Variants in SPAG17 observed in about 807,000 individuals in gnomAD.
SPAG17 encodes sperm-associated antigen 17.
Under a neutral mutation model 273.6 loss-of-function variants are expected in SPAG17, and 169 were observed. The observed-to-expected ratio is 0.62, with a 90% CI of 0.55 to 0.70. The LOEUF is 0.70. SPAG17 is among the 30% of genes least tolerant of loss of function. SPAG17 has a pLI of 0.00. For missense variants in SPAG17, 2,557 were observed against 2,627.8 expected (o/e 0.97, Z 0.59); for synonymous variants, 825 against 873.2 (o/e 0.94, Z 0.97).
At chr1:118,167,328 G>C (rs1660216996) in intron 1 of SPAG17, among the ~76,000 whole-genome samples, 1 of 151,860 alleles carries the variant, frequency 6.6e-6, no homozygotes, top group Non-Finnish European at 1.5e-5. Flanking sequence ...GTAGACTCAG[G>C]TTGTTTTTCA....
chr1:118,077,283 C>G (rs1247928399), intron 15 of SPAG17, among the ~76,000 whole-genome samples: 1 of 152,080 alleles, frequency 6.6e-6, no homozygotes, highest in Non-Finnish European at 1.5e-5. Flanking sequence ...GATGCCCTCC[C>G]CCTTTCAAAT....
intron 43 of SPAG17, among the ~76,000 whole-genome samples, chr1:117,977,306 G>A (rs1329202594): frequency 6.6e-6 from 1 of 152,140 alleles, no homozygotes; most frequent in African/African-American, 2.4e-5. Context: ...GGGCGACAGA[G>A]CAAGACTCCC....
chr1:117,966,521 G>C, intron 47 of SPAG17, 88 bp downstream of exon 47: 1 of 1,196,692 alleles, frequency 8.4e-7, no homozygotes, highest in Non-Finnish European at 1.1e-6. Flanking sequence ...AATTAATAAA[G>C]TAGAGATGCA....
chr1:118,080,496 G>A (rs1395944224), intron 15 of SPAG17, among the ~76,000 whole-genome samples: 1 of 152,192 alleles, frequency 6.6e-6, no homozygotes, highest in Admixed American at 6.5e-5. Context: ...AGTAGGCCAA[G>A]GAATTGTGTT....
intron 27 of SPAG17, 37 bp from the exon 28 acceptor site, chr1:118,023,500 GC>G: frequency 6.3e-7 from 1 of 1,588,160 alleles, no homozygotes; most frequent in South Asian, 1.1e-5. Flanking sequence ...ATTCTCAGAA[GC>G]AAGAGAGAGG....
At chr1:118,084,140 T>C (rs902658793) in intron 13 of SPAG17, among the ~76,000 whole-genome samples, 2 of 151,986 alleles carry the variant, frequency 1.3e-5, no homozygotes, top group African/African-American at 4.8e-5. Context: ...AGGACAGAAG[T>C]TCACCCCCTA....
chr1:117,960,920 T>G (rs899885676), intron 48 of SPAG17: 6 of 152,250 alleles, frequency 3.9e-5, no homozygotes, highest in Non-Finnish European at 8.8e-5. Context: ...AACTACTTTT[T>G]TCCTAATTTT....
chr1:118,137,887 T>C (rs548184622), intron 3 of SPAG17, among the ~76,000 whole-genome samples: 62 of 152,204 alleles, frequency 4.1e-4, no homozygotes, highest in Non-Finnish European at 6.6e-4. Context: ...TTCTTGCAGC[T>C]GAAGATGGAG....
At chr1:118,148,917 G>C (rs1029741890) in intron 3 of SPAG17, among the ~76,000 whole-genome samples, 9 of 152,216 alleles carry the variant, frequency 5.9e-5, no homozygotes, top group African/African-American at 2.2e-4. Context: ...TGAAGGGACT[G>C]AGATGGGAAA....
Position 118,005,541 on chromosome 1 carries a change from T to C in SPAG17, c.4649A>G (p.His1550Arg). 1.2e-6 allele frequency: 2 copies of C among 1,609,092 alleles called. No individual in the cohort carries two copies. The highest frequency in any genetic ancestry group is 1.7e-6 in the Non-Finnish European group (2 of 1,177,586). The change falls in exon 32 of 49, where the codon CAT (histidine) becomes CGT (arginine). Residue 1550 changes from histidine to arginine, a missense_variant. Physicochemically the swap from His to Arg is conservative, Grantham distance 29 (BLOSUM62 0). Transcript: ENST00000336338. ...ATAGTATATATTACTGCTTGACTCA[T>C]GGCAGTACACAGCTGAACAATCCTT... is the stretch of plus-strand genomic sequence containing the variant. ...IDKDCSAVYCHESSSNIYYPF... is the reference protein window; with the variant it reads ...IDKDCSAVYCRESSSNIYYPF...
At chr1:118,031,977 C>A in intron 24 of SPAG17, 110 bp from the exon 25 acceptor site, 1 of 817,164 alleles carries the variant, frequency 1.2e-6, no homozygotes, top group Admixed American at 2.8e-5. Flanking sequence ...CAATTTTTAC[C>A]TTGCTAAATA....
intron 4 of SPAG17, among the ~76,000 whole-genome samples, chr1:118,110,327 C>T (rs770724754): frequency 5.9e-5 from 9 of 151,990 alleles, no homozygotes; most frequent in Non-Finnish European, 1.2e-4. Flanking sequence ...ACAATGATTA[C>T]AGCTGCGTAA....
At chr1:118,132,787 C>CTTTTT (rs1553254212) in intron 3 of SPAG17, among the ~76,000 whole-genome samples, 55 of 150,520 alleles carry the variant, frequency 3.7e-4, no homozygotes, top group African/African-American at 1.3e-3. Context: ...CTTTTCTTTT[C>CTTTTT]TTTTAGATGG....
At chr1:118,110,164 T>C (rs528046888) in intron 4 of SPAG17, among the ~76,000 whole-genome samples, 5 of 152,204 alleles carry the variant, frequency 3.3e-5, no homozygotes, top group East Asian at 1.9e-4. Context: ...TGAAAAGAAA[T>C]TGAAATAACT....
intron 3 of SPAG17, among the ~76,000 whole-genome samples, chr1:118,135,431 G>GT (rs764554034): frequency 3.2e-4 from 44 of 137,910 alleles, no homozygotes; most frequent in African/African-American, 8.9e-4. Context: ...GTGTGTGTGT[G>GT]GGGTATGGTG....
chr1:118,115,515 T>G, intron 3 of SPAG17, 74 bp from the exon 4 acceptor site: 2 of 1,400,920 alleles, frequency 1.4e-6, no homozygotes, highest in Non-Finnish European at 1.9e-6. Flanking sequence ...GATGAAAAGA[T>G]GAAAGGAAAT....
intron 3 of SPAG17, among the ~76,000 whole-genome samples, chr1:118,117,694 C>T (rs1292738904): frequency 2.0e-5 from 3 of 152,152 alleles, no homozygotes; most frequent in African/African-American, 4.8e-5. Context: ...GTCCTCCTCC[C>T]GAACTGCCCT....
chr1:118,176,976 A>G (rs1487797672), intron 1 of SPAG17, among the ~76,000 whole-genome samples: 1 of 152,218 alleles, frequency 6.6e-6, no homozygotes, highest in Non-Finnish European at 1.5e-5. Flanking sequence ...AAAATTAAGA[A>G]CATTAAAAAA....
At chr1:117,964,718 A>C (rs1057386620) in intron 47 of SPAG17, 3 of 152,228 alleles carry the variant, frequency 2.0e-5, no homozygotes, top group African/African-American at 7.2e-5. Context: ...AATGTAAGCT[A>C]CATAAAGGCA....
Sources: allele counts gnomAD v4.1 joint callset (sites outside exome capture counted in the v4.1 genomes callset), GRCh38; gene constraint gnomAD v4.1.1; transcripts MANE v1.5; gene names NCBI Gene and HGNC (gene_info 2026-07-23, HGNC 2026-07-21).